Variants in ADGRV1 observed in about 807,000 individuals in gnomAD.
The protein encoded by ADGRV1 is G-protein coupled receptor 98.
ADGRV1 carries 359 observed loss-of-function variants against 596.2 expected under a neutral mutation model. The ratio of observed to expected loss-of-function variants is 0.60; its 90% confidence interval spans 0.55 to 0.66. The LOEUF (loss-of-function observed/expected upper bound fraction) is 0.66. Ranked by LOEUF, ADGRV1 falls within the 30% of genes least tolerant of loss-of-function variation. The probability of loss-of-function intolerance (pLI) is 0.00; values close to 1 mark genes in which losing one functional copy is unlikely to be tolerated. For missense variants in ADGRV1, 7,274 were observed against 7,575.6 expected (o/e 0.96, Z 1.48); for synonymous variants, 2,681 against 2,679.2 (o/e 1.00, Z -0.02).
Position 90,831,017 on chromosome 5 carries a change from G to A in ADGRV1, c.16611+1831G>A, listed in dbSNP as rs568618087. 1.2e-4 allele frequency among the ~76,000 whole-genome samples: 18 copies of A among 152,086 alleles called. No individual in the cohort carries two copies. The East Asian group carries it at 2.3e-3, about 20-fold the overall frequency. ...GTCTCTGGACTCAAAATGGAACATT[G>A]GCTATTCCTGGGTCTTAAGCCTGCT... On this transcript the variant is annotated intron_variant, in intron 77 of 89. Transcript: ENST00000405460.
chr5:91,059,329 C>T (rs1581928461), intron 85 of ADGRV1, among the ~76,000 whole-genome samples: 1 of 152,078 alleles, frequency 6.6e-6, no homozygotes. Context: ...AGAGGTGTAC[C>T]TGGGATCCTT....
intron 52 of ADGRV1, among the ~76,000 whole-genome samples, chr5:90,748,498 A>C (rs1344271776): frequency 3.9e-5 from 6 of 152,152 alleles, no homozygotes; most frequent in Non-Finnish European, 7.3e-5. Flanking sequence ...CGCATTTTAC[A>C]CTTATAGACT....
intron 84 of ADGRV1, among the ~76,000 whole-genome samples, chr5:90,982,850 T>C (rs1780194401): frequency 6.6e-6 from 1 of 152,124 alleles, no homozygotes; most frequent in Non-Finnish European, 1.5e-5. Flanking sequence ...GGAGGAGGGT[T>C]AGAGAGGCAG....
chr5:90,568,358 T>C (rs1487890161), intron 1 of ADGRV1, among the ~76,000 whole-genome samples: 1 of 152,196 alleles, frequency 6.6e-6, no homozygotes, highest in African/African-American at 2.4e-5. Flanking sequence ...TTACATGTGC[T>C]CTCTTTTTTG....
intron 59 of ADGRV1, among the ~76,000 whole-genome samples, chr5:90,770,981 C>T (rs1444220824): frequency 6.6e-6 from 1 of 152,106 alleles, no homozygotes; most frequent in Non-Finnish European, 1.5e-5. Flanking sequence ...AGCTAAAATC[C>T]ATTGCACTAA....
chr5:91,020,475 G>T (rs1004514320), intron 85 of ADGRV1, among the ~76,000 whole-genome samples: 7 of 151,974 alleles, frequency 4.6e-5, no homozygotes, highest in African/African-American at 1.4e-4. Context: ...TCTTAAATTT[G>T]CAGGTCAAGA....
At chr5:91,124,067 T>TAGA (rs1385800607) in intron 87 of ADGRV1, among the ~76,000 whole-genome samples, 1 of 152,138 alleles carries the variant, frequency 6.6e-6, no homozygotes, top group East Asian at 1.9e-4. Flanking sequence ...TGAGCACGGG[T>TAGA]AGAAGGAAGC....
chr5:90,976,076 A>G (rs1341983416), intron 84 of ADGRV1, among the ~76,000 whole-genome samples: 1 of 151,596 alleles, frequency 6.6e-6, no homozygotes, highest in East Asian at 1.9e-4. Flanking sequence ...TGCATTCTCC[A>G]TTCTTTGCTC....
chr5:91,103,827 G>A (rs1478775727), intron 87 of ADGRV1, among the ~76,000 whole-genome samples: 2 of 152,234 alleles, frequency 1.3e-5, no homozygotes, highest in Admixed American at 1.3e-4. Flanking sequence ...TATGGTTAGA[G>A]ATGGGAATTT....
intron 83 of ADGRV1, among the ~76,000 whole-genome samples, chr5:90,940,435 T>A (rs4916697): frequency 0.63 from 95,488 of 152,136 alleles, 30,370 homozygotes; most frequent in Non-Finnish European, 0.66. Flanking sequence ...TCTTATTCCA[T>A]ACTTGGCCAT....
In ADGRV1 at chr5:90,802,778, G is replaced by A; in HGVS notation, c.14557G>A (p.Val4853Met). Residue 4853 changes from valine to methionine, a missense_variant, in exon 71 of 90, where the codon GTG becomes ATG. Coordinates refer to ENST00000405460, the MANE Select transcript of ADGRV1 (RefSeq NM_032119.4). ...SLGSNFTLQLVTVMLVGGRFY... is the reference protein window; with the variant it reads ...SLGSNFTLQLMTVMLVGGRFY... ...GGGCTCTAATTTCACTTTGCAACTG[G>A]TGACTGTGATGCTTGTCGGTGGACG... 1 of 1,613,098 alleles carries A rather than the reference G, an allele frequency of 6.2e-7. No homozygotes were observed. The highest frequency in any genetic ancestry group is 8.5e-7 in the Non-Finnish European group (1 of 1,179,532).
At chr5:90,867,204 T>C (rs74369115) in intron 83 of ADGRV1, among the ~76,000 whole-genome samples, 2 of 152,124 alleles carry the variant, frequency 1.3e-5, no homozygotes, top group Admixed American at 1.3e-4. Context: ...AGTTTCCTCA[T>C]AGAAAACATG....
At chr5:90,671,088 C>G (rs1046224953) in intron 21 of ADGRV1, among the ~76,000 whole-genome samples, 1 of 152,172 alleles carries the variant, frequency 6.6e-6, no homozygotes, top group Non-Finnish European at 1.5e-5. Flanking sequence ...AAGACCCAGG[C>G]ACAGTGCTGG....
chr5:90,986,122 A>G (rs1780484513), intron 85 of ADGRV1, among the ~76,000 whole-genome samples: 2 of 148,370 alleles, frequency 1.3e-5, no homozygotes, highest in Admixed American at 6.8e-5. Flanking sequence ...ATATATATAT[A>G]TATATGTGAC....
rs182847674 is a variant in ADGRV1, at chr5:91,085,664, A to G, written c.18310+13060A>G. ...GCCAGCTCTCCCAATTGTGCCTTTCATCTGTTTTTCCTACTCTTGGAACTT... is the reference window on the plus strand; with the variant it reads ...GCCAGCTCTCCCAATTGTGCCTTTCGTCTGTTTTTCCTACTCTTGGAACTT... On this transcript the variant is annotated intron_variant, in intron 86 of 89. Transcript: ENST00000405460. Among the ~76,000 whole-genome samples the G allele has an allele frequency of 5.3e-5, 8 of 152,282 alleles. No individual in the cohort carries two copies. In the East Asian group the frequency reaches 1.2e-3, roughly 22 times the overall value.
At chr5:90,580,933 T>G (rs1757947111) in intron 1 of ADGRV1, among the ~76,000 whole-genome samples, 2 of 152,216 alleles carry the variant, frequency 1.3e-5, no homozygotes. Context: ...CCATATTTTT[T>G]GAAGGCTTTG....
chr5:90,682,883 T>G (rs977140828), intron 27 of ADGRV1, among the ~76,000 whole-genome samples: 1 of 152,226 alleles, frequency 6.6e-6, no homozygotes, highest in Non-Finnish European at 1.5e-5. Context: ...ATGTATTTTC[T>G]TATACTTTGG....
intron 85 of ADGRV1, among the ~76,000 whole-genome samples, chr5:91,007,908 C>A (rs887298911): frequency 1.6e-4 from 25 of 151,766 alleles, no homozygotes; most frequent in African/African-American, 5.8e-4. Context: ...TTGCCCTTTG[C>A]TTTTTTTTAG....
chr5:90,873,369 T>G (rs561264756), intron 83 of ADGRV1, among the ~76,000 whole-genome samples: 2 of 152,292 alleles, frequency 1.3e-5, no homozygotes, highest in South Asian at 4.1e-4. Flanking sequence ...AACTGAAACA[T>G]GTCAAATATC....
Sources: allele counts gnomAD v4.1 joint callset (sites outside exome capture counted in the v4.1 genomes callset), GRCh38; gene constraint gnomAD v4.1.1; transcripts MANE v1.5; gene names NCBI Gene and HGNC (gene_info 2026-07-23, HGNC 2026-07-21).